NBAS: variants seen among roughly 807,000 people sequenced by gnomAD.
The protein encoded by NBAS is NAG/BC035112 fusion.
In NBAS, 219 loss-of-function variants were observed where a neutral mutation model predicts 302.5. The ratio of observed to expected loss-of-function variants is 0.72; its 90% CI spans 0.65 to 0.81. The LOEUF (loss-of-function observed/expected upper bound fraction) is 0.81. Among genes scored for constraint, NBAS ranks in the 30% least tolerant of loss-of-function variants. The pLI is 0.00. For synonymous variants in NBAS, 1,118 were observed against 1,021.6 expected, an observed-to-expected ratio of 1.09 and a Z score of -1.80; for missense variants, 2,932 against 2,841.6, an observed-to-expected ratio of 1.03 and a Z score of -0.72.
the NBAS span, among the ~76,000 whole-genome samples, chr2:15,043,900 C>T: frequency 4.6e-5 from 7 of 152,282 alleles, no homozygotes; most frequent in African/African-American, 1.4e-4. Flanking sequence ...AAGCCCTGCT[C>T]TGTCTGTTGC....
At chr2:15,512,040 T>C (rs1028169798) in intron 9 of NBAS, among the ~76,000 whole-genome samples, 1 of 152,174 alleles carries the variant, frequency 6.6e-6, no homozygotes, top group African/African-American at 2.4e-5. Context: ...CAGGGATCTG[T>C]ATAACAGACA....
intron 38 of NBAS, among the ~76,000 whole-genome samples, chr2:15,310,042 G>GT: frequency 6.6e-6 from 1 of 152,314 alleles, no homozygotes; most frequent in East Asian, 1.9e-4. Context: ...GAAGGGGATA[G>GT]TATACGAATA....
intron 35 of NBAS, among the ~76,000 whole-genome samples, chr2:15,331,904 G>A (rs1672372360): frequency 6.6e-6 from 1 of 152,156 alleles, no homozygotes; most frequent in African/African-American, 2.4e-5. Flanking sequence ...ATCTGAGTAG[G>A]ACCAAGCTAA....
rs200166533 is a variant in NBAS, at chr2:15,277,009, A to C, written c.5231T>G (p.Val1744Gly). 4 of 1,613,996 alleles carry C rather than the reference A, an allele frequency of 2.5e-6. No individual in the cohort carries two copies. The highest frequency in any genetic ancestry group is 3.4e-6 in the Non-Finnish European group (4 of 1,179,964). ...ACCAATAGTAGGGTAAATATACTTG[A>C]CCATGTGCTGGTGAAAGGCTTCTGG... is the stretch of plus-strand genomic sequence containing the variant. ...TDPEAFHQHM[V>G]KYIYPTIGGF... The change falls in exon 43 of 52, where the codon GTC becomes GGC. Residue 1744 changes from valine to glycine, a missense_variant. Coordinates refer to ENST00000281513, the MANE Select transcript of NBAS (RefSeq NM_015909.4).
At chr2:15,411,432 A>T (rs1249009584) in intron 25 of NBAS, among the ~76,000 whole-genome samples, 1 of 152,144 alleles carries the variant, frequency 6.6e-6, no homozygotes, top group African/African-American at 2.4e-5. Context: ...CAGATTTTTT[A>T]AAATTAACAT....
the NBAS span, among the ~76,000 whole-genome samples, chr2:15,067,383 AGGAGGGGAGG>A: frequency 9.0e-3 from 545 of 60,830 alleles, 18 homozygotes; most frequent in African/African-American, 0.018. Context: ...AGGAGAGGAG[AGGAGGGGAGG>A]GGAGGGGAGG....
At chr2:15,475,973 T>G in intron 13 of NBAS, 93 bp from the exon 14 acceptor site, 1 of 994,330 alleles carries the variant, frequency 1.0e-6, no homozygotes, top group Admixed American at 2.6e-5. Flanking sequence ...AAAACAAAAT[T>G]TATCTACATT....
rs1234096193 is a variant in NBAS at position 15,190,301 on chromosome 2, GT to G, written c.6534del (p.Leu2178PhefsTer9). On this transcript the variant is annotated frameshift_variant, in exon 49 of 52. Coordinates refer to ENST00000281513, the MANE Select transcript of NBAS (RefSeq NM_015909.4). LOFTEE classifies it high-confidence loss of function. ...TTCATAGGTGGCCAAGCTTGCAAAA[GT>G]AAAACCAAGTGCTGAAATTCAGCCT... Reference protein sequence around the residue: ...HHEAEFQHLVLLLQAWPPMKS... With the variant: ...HHEAEFQHLVXLLQAWPPMKS... 2 of 1,613,764 alleles carry G rather than the reference GT, an allele frequency of 1.2e-6. No homozygotes were observed. The highest frequency in any genetic ancestry group is 2.7e-5 in the African/African-American group (2 of 74,878).
chr2:15,006,409 G>A, the NBAS span, among the ~76,000 whole-genome samples: 1 of 152,106 alleles, frequency 6.6e-6, no homozygotes, highest in Non-Finnish European at 1.5e-5. Flanking sequence ...TGTTTACTGT[G>A]TCGCCTCTAT....
At chr2:15,128,478 CA>C in the NBAS span, among the ~76,000 whole-genome samples, 2 of 152,136 alleles carry the variant, frequency 1.3e-5, no homozygotes, top group East Asian at 3.9e-4. Flanking sequence ...GGGTGTGAAG[CA>C]GGTACAATCT....
At chr2:15,375,596 AG>A (rs1396518945) in intron 30 of NBAS, among the ~76,000 whole-genome samples, 1 of 152,214 alleles carries the variant, frequency 6.6e-6, no homozygotes, top group African/African-American at 2.4e-5. Context: ...CAAGTGTGAA[AG>A]GTCTATAACC....
intron 45 of NBAS, among the ~76,000 whole-genome samples, chr2:15,235,131 G>T (rs192621129): frequency 1.1e-3 from 165 of 152,250 alleles, no homozygotes; most frequent in African/African-American, 3.4e-3. Context: ...TATTACTAAC[G>T]CACTACGACC....
chr2:15,181,017 C>G lies in NBAS; in HGVS notation c.6712-1901G>C, dbSNP rs550311738. 4.0e-4 allele frequency among the ~76,000 whole-genome samples: 61 copies of G among 152,288 alleles called. No individual in the cohort carries two copies. In the Middle Eastern group the frequency reaches 0.01, roughly 25 times the overall value. Reference sequence around the variant, plus strand: ...AATGTACTGTATAAATATTTCCCACCTTATCTTTTATCTTGTATTATGGTA... The same window carrying G: ...AATGTACTGTATAAATATTTCCCACGTTATCTTTTATCTTGTATTATGGTA... On this transcript the variant is annotated intron_variant, in intron 50 of 51. Transcript: ENST00000281513.
chr2:15,445,305 C>G lies in NBAS; in HGVS notation c.2339+15896G>C, dbSNP rs1182065109. ...ATTAAGAAAATGTGGCACATATACA[C>G]CATGGAATACTATGCAGCCATAAAA... On this transcript the variant is annotated intron_variant, in intron 21 of 51. Transcript: ENST00000281513. Among the ~76,000 whole-genome samples, 4 of 146,912 alleles carry G rather than the reference C, an allele frequency of 2.7e-5. No homozygotes were observed. The South Asian group carries it at 6.8e-4, about 25-fold the overall frequency.
At chr2:15,420,040 A>G (rs1677137978) in intron 23 of NBAS, among the ~76,000 whole-genome samples, 1 of 152,160 alleles carries the variant, frequency 6.6e-6, no homozygotes, top group South Asian at 2.1e-4. Flanking sequence ...TTGTCAGCAC[A>G]AACATCATAG....
chr2:14,901,142 G>A, the NBAS span, among the ~76,000 whole-genome samples: 4 of 152,140 alleles, frequency 2.6e-5, no homozygotes, highest in South Asian at 2.1e-4. Flanking sequence ...CATGGTGCCT[G>A]GAAATAACAA....
chr2:14,790,596 G>T, the NBAS span, among the ~76,000 whole-genome samples: 1 of 151,012 alleles, frequency 6.6e-6, no homozygotes, highest in Non-Finnish European at 1.5e-5. Context: ...CTGTATCCAA[G>T]CCACTCTTTC....
At chr2:15,009,693 CATATAT>C in the NBAS span, among the ~76,000 whole-genome samples, 2,276 of 126,302 alleles carry the variant, frequency 0.018, 54 homozygotes, top group Admixed American at 0.051. Context: ...TGTAGGAATG[CATATAT>C]ATATATATAT....
chr2:15,299,245 G>C (rs1670688924), intron 40 of NBAS, among the ~76,000 whole-genome samples: 1 of 152,214 alleles, frequency 6.6e-6, no homozygotes, highest in African/African-American at 2.4e-5. Flanking sequence ...AAATTGTGAA[G>C]AGTTAAATTA....
Sources: gnomAD v4.1 joint callset for allele counts (sites outside exome capture counted in the v4.1 genomes callset) on GRCh38, gnomAD v4.1.1 for gene constraint, MANE v1.5 for transcripts, NCBI Gene and HGNC (gene_info 2026-07-23, HGNC 2026-07-21) for gene names.